The following GSE1 variants were observed in gnomAD, a reference collection of about 807,000 sequenced individuals.
GSE1 encodes the protein genetic suppressor element 1.
GSE1 carries 32 observed loss-of-function variants against 112.6 expected under a neutral mutation model. That is an observed-to-expected ratio of 0.28 (90% confidence interval 0.21 to 0.38). The LOEUF is 0.38. Ranked by LOEUF, GSE1 falls within the 10% of genes least tolerant of loss-of-function variation. GSE1 has a pLI of 1.00. For synonymous variants in GSE1, 1,115 were observed against 735.6 expected (o/e 1.52, Z -8.35); for missense variants, 2,348 against 1,699.2 (o/e 1.38, Z -6.71).
chr16:85,354,298 C>G (rs1027934610), intron 1 of GSE1, among the ~76,000 whole-genome samples: 1 of 152,350 alleles, frequency 6.6e-6, no homozygotes, highest in East Asian at 1.9e-4. Context: ...CCGTATCCCT[C>G]CAGTTATTGT....
upstream of GSE1, chr16:85,555,503 G>A: frequency 1.0e-6 from 1 of 985,152 alleles, no homozygotes; most frequent in South Asian, 4.7e-5. Flanking sequence ...TTTACGAGAA[G>A]AAATCTCCCC....
rs2053610843 is a variant in GSE1 at position 85,675,089 on chromosome 16, A to AAG, written c.*2550_*2551insAG. On this transcript the variant is annotated 3_prime_UTR_variant, in exon 16 of 16. Transcript: ENST00000253458. ...TACTTTGAAAACTTACTTTCAGATT[A>AAG]TTCTCAAAGAACACAGTAGCACCTA... 6.6e-6 allele frequency: 1 copy of AAG among 152,298 alleles called. No homozygotes were observed. The highest frequency in any genetic ancestry group is 1.5e-5 in the Non-Finnish European group (1 of 68,040). 9.4% of individuals were successfully genotyped at this position (152,298 alleles called of 1,614,324 possible).
chr16:85,429,614 C>G (rs552512594), intron 2 of GSE1, among the ~76,000 whole-genome samples: 1 of 152,232 alleles, frequency 6.6e-6, no homozygotes, highest in African/African-American at 2.4e-5. Context: ...CCCAGCATCT[C>G]CTGTCCTCAC....
At chr16:85,200,993 T>G (rs1260063416) in intron 1 of GSE1, among the ~76,000 whole-genome samples, 1 of 152,130 alleles carries the variant, frequency 6.6e-6, no homozygotes, top group Non-Finnish European at 1.5e-5. Context: ...CAGGGCAGTG[T>G]CTAGAACAGA....
At chr16:85,333,044 C>T (rs776461308) in intron 1 of GSE1, among the ~76,000 whole-genome samples, 2 of 152,142 alleles carry the variant, frequency 1.3e-5, no homozygotes, top group Admixed American at 6.5e-5. Flanking sequence ...ACCTGTCATC[C>T]CTTTGTACCC....
intron 1 of GSE1, among the ~76,000 whole-genome samples, chr16:85,591,828 G>A (rs1021158041): frequency 7.9e-5 from 12 of 152,092 alleles, no homozygotes; most frequent in African/African-American, 2.2e-4. Flanking sequence ...CAAAAATCCC[G>A]TGTTCCTGGA....
chr16:85,391,484 G>A (rs766483376), intron 2 of GSE1, among the ~76,000 whole-genome samples: 8 of 152,186 alleles, frequency 5.3e-5, no homozygotes, highest in East Asian at 1.9e-4. Context: ...AGGTCCAGCC[G>A]GCGATGCTTC....
At chr16:85,185,925 T>C (rs976234008) in intron 1 of GSE1, among the ~76,000 whole-genome samples, 1 of 152,216 alleles carries the variant, frequency 6.6e-6, no homozygotes, top group African/African-American at 2.4e-5. Context: ...GGGGCATCTC[T>C]GCCGAGGGCG....
chr16:85,313,868 G>C (rs530197649), intron 1 of GSE1, among the ~76,000 whole-genome samples: 67 of 152,250 alleles, frequency 4.4e-4, no homozygotes, highest in Admixed American at 3.3e-3. Context: ...CAAGATACAT[G>C]AACAGCAAAT....
intron 1 of GSE1, among the ~76,000 whole-genome samples, chr16:85,329,124 C>T (rs2046286947): frequency 6.6e-6 from 1 of 152,182 alleles, no homozygotes; most frequent in Non-Finnish European, 1.5e-5. Flanking sequence ...CCCCACAGCT[C>T]CCTGGGCCCC....
At chr16:85,464,561 T>C (rs2050071594) in intron 2 of GSE1, among the ~76,000 whole-genome samples, 1 of 152,214 alleles carries the variant, frequency 6.6e-6, no homozygotes, top group Admixed American at 6.5e-5. Flanking sequence ...ATGCGGTGTC[T>C]GGGAGTCTCT....
chr16:85,560,346 A>C (rs1424994529), intron 1 of GSE1, among the ~76,000 whole-genome samples: 2 of 152,058 alleles, frequency 1.3e-5, no homozygotes, highest in African/African-American at 4.8e-5. Flanking sequence ...CATGTTAGCC[A>C]GGATGGTCTC....
chr16:85,205,850 A>G (rs1296840756), intron 1 of GSE1, among the ~76,000 whole-genome samples: 1 of 152,168 alleles, frequency 6.6e-6, no homozygotes, highest in African/African-American at 2.4e-5. Context: ...TGCCTGACTC[A>G]TTCATTCATC....
At chr16:85,236,865 C>A (rs1382337179) in intron 1 of GSE1, among the ~76,000 whole-genome samples, 1 of 152,176 alleles carries the variant, frequency 6.6e-6, no homozygotes, top group African/African-American at 2.4e-5. Context: ...CTGGCTCCCC[C>A]CGACCATCCC....
chr16:85,219,747 C>T (rs1220303290), intron 1 of GSE1, among the ~76,000 whole-genome samples: 1 of 152,234 alleles, frequency 6.6e-6, no homozygotes, highest in African/African-American at 2.4e-5. Flanking sequence ...GGAGCCCCTC[C>T]TTCCCCCTTC....
intron 2 of GSE1, among the ~76,000 whole-genome samples, chr16:85,404,297 G>GGC (rs1555579694): frequency 2.0e-5 from 1 of 50,416 alleles, no homozygotes; most frequent in African/African-American, 9.7e-5. Flanking sequence ...TTACACTCAG[G>GGC]CCCCCCGGAT....
intron 2 of GSE1, among the ~76,000 whole-genome samples, chr16:85,449,614 A>G (rs1345326188): frequency 1.3e-5 from 2 of 152,238 alleles, no homozygotes; most frequent in Non-Finnish European, 2.9e-5. Context: ...GACGCTTATG[A>G]AGCCCAAATG....
chr16:85,666,226 G>A lies in GSE1; in HGVS notation c.3009G>A (p.Pro1003=), dbSNP rs200515905. Residue 1003 remains proline, a synonymous_variant, in exon 13 of 16, where the codon CCG becomes CCA. Coordinates refer to ENST00000253458, the MANE Select transcript of GSE1 (RefSeq NM_014615.5). ...RGAAPKDIPV[P]LSHSTNGKSK... is the part of the protein sequence containing the mutation. ...CTGCACCCAAGGACATTCCTGTGCC[G>A]CTGTCCCACAGCACCAATGGGAAGA... 2.8e-5 allele frequency: 45 copies of A among 1,613,714 alleles called. No homozygotes were observed. In the South Asian group the frequency reaches 4.2e-4, roughly 15 times the overall value.
At chr16:85,388,324 ATGGATGAATGG>A (rs2047744840) in intron 2 of GSE1, among the ~76,000 whole-genome samples, 2 of 75,128 alleles carry the variant, frequency 2.7e-5, no homozygotes, top group Admixed American at 1.4e-4. Context: ...GGATGGATGG[ATGGATGAATGG>A]ATGTATGGCT....
Sources: gnomAD v4.1 joint callset for allele counts (sites outside exome capture counted in the v4.1 genomes callset) on GRCh38, gnomAD v4.1.1 for gene constraint, MANE v1.5 for transcripts, NCBI Gene and HGNC (gene_info 2026-07-23, HGNC 2026-07-21) for gene names.